PRKG1: variants seen among roughly 807,000 people sequenced by gnomAD.
The protein encoded by PRKG1 is cGMP-dependent protein kinase 1.
PRKG1 carries 35 observed loss-of-function variants against 88.1 expected under a neutral mutation model. That is an observed-to-expected ratio of 0.40 (90% CI 0.30 to 0.53). The LOEUF is 0.53. Ranked by LOEUF, PRKG1 falls within the 20% of genes least tolerant of loss-of-function variation. The pLI is 0.59. For missense variants in PRKG1, 540 were observed against 839.8 expected (o/e 0.64, Z 4.41); for synonymous variants, 303 against 292.5 (o/e 1.04, Z -0.37).
At chr10:51,483,501 AG>A (rs1351460309) in intron 3 of PRKG1, among the ~76,000 whole-genome samples, 2 of 152,184 alleles carry the variant, frequency 1.3e-5, no homozygotes, top group Non-Finnish European at 2.9e-5. Context: ...CAATCTGAAT[AG>A]TGGAAATTTC....
rs192521876 is a variant in PRKG1 at position 51,050,849 on chromosome 10, C to G, written c.266+59205C>G. On this transcript the variant is annotated intron_variant, in intron 1 of 17. Coordinates refer to the PRKG1 transcript ENST00000401604. ...TTTTTTAATATAATAGTCATTCTAA[C>G]AGATGTGAAGTGACATCTCATTGTG... Among the ~76,000 whole-genome samples the G allele has an allele frequency of 2.5e-3, 388 of 152,234 alleles. 1 individual carries two copies. Among genetic ancestry groups the G allele is most frequent in the African/African-American group, 8.7e-3 (363 of 41,568 alleles).
chr10:52,135,862 C>T (rs1407027419), intron 8 of PRKG1, among the ~76,000 whole-genome samples: 4 of 151,870 alleles, frequency 2.6e-5, no homozygotes, highest in African/African-American at 9.7e-5. Context: ...TGAGACAGGA[C>T]AGAATTGCAT....
At chr10:51,185,069 G>C (rs1475023598) in intron 2 of PRKG1, among the ~76,000 whole-genome samples, 1 of 152,144 alleles carries the variant, frequency 6.6e-6, no homozygotes, top group Admixed American at 6.6e-5. Context: ...ATCAAGTGGA[G>C]ATTTGACCAA....
intron 5 of PRKG1, among the ~76,000 whole-genome samples, chr10:52,040,251 C>G (rs2133228732): frequency 6.6e-6 from 1 of 152,266 alleles, no homozygotes. Flanking sequence ...TGCTCTTTTT[C>G]TTTTTGAGTA....
intron 4 of PRKG1, among the ~76,000 whole-genome samples, chr10:51,845,399 T>C (rs994072210): frequency 2.0e-5 from 3 of 152,190 alleles, no homozygotes; most frequent in Non-Finnish European, 2.9e-5. Context: ...TGCTTCAAAG[T>C]GTTGACATTC....
chr10:51,891,954 G>A (rs926274436), intron 4 of PRKG1, among the ~76,000 whole-genome samples: 2 of 152,120 alleles, frequency 1.3e-5, no homozygotes, highest in African/African-American at 2.4e-5. Context: ...GGAAATTAGA[G>A]AAATTATCAA....
intron 3 of PRKG1, among the ~76,000 whole-genome samples, chr10:51,621,145 G>A (rs1038445112): frequency 2.0e-5 from 3 of 151,144 alleles, no homozygotes; most frequent in Non-Finnish European, 3.0e-5. Context: ...CGTGATCCAC[G>A]GCATTAGTTT....
intron 9 of PRKG1, among the ~76,000 whole-genome samples, chr10:52,229,081 A>G (rs1389055498): frequency 6.6e-6 from 1 of 152,076 alleles, no homozygotes; most frequent in Non-Finnish European, 1.5e-5. Context: ...TCTTTTATGT[A>G]CTATTTTTTT....
At chr10:51,832,173 T>C (rs1840021859) in intron 4 of PRKG1, among the ~76,000 whole-genome samples, 2 of 152,172 alleles carry the variant, frequency 1.3e-5, no homozygotes, top group Non-Finnish European at 2.9e-5. Flanking sequence ...CAATGCTCTA[T>C]AGAGGCTAAG....
intron 5 of PRKG1, among the ~76,000 whole-genome samples, chr10:51,970,493 C>T (rs140848474): frequency 7.3e-5 from 11 of 150,932 alleles, no homozygotes; most frequent in East Asian, 1.9e-4. Context: ...TAAGAAATTT[C>T]GAACAGATAA....
intron 3 of PRKG1, among the ~76,000 whole-genome samples, chr10:51,549,057 G>A (rs1483152659): frequency 6.9e-6 from 1 of 145,824 alleles, no homozygotes; most frequent in African/African-American, 2.5e-5. Context: ...GGTTCTTTTT[G>A]TCCTTCAGAC....
At chr10:52,005,882 C>T (rs1385727057) in intron 5 of PRKG1, among the ~76,000 whole-genome samples, 1 of 152,012 alleles carries the variant, frequency 6.6e-6, no homozygotes, top group Non-Finnish European at 1.5e-5. Context: ...AGATGCAGAT[C>T]AGGGCCAACC....
intron 7 of PRKG1, among the ~76,000 whole-genome samples, chr10:52,100,884 G>A (rs1377547074): frequency 2.0e-5 from 3 of 152,196 alleles, no homozygotes; most frequent in Non-Finnish European, 4.4e-5. Context: ...ATAGCTTAAA[G>A]GAAATAATAT....
intron 3 of PRKG1, among the ~76,000 whole-genome samples, chr10:51,659,404 G>T (rs1840239997): frequency 6.6e-6 from 1 of 152,192 alleles, no homozygotes; most frequent in African/African-American, 2.4e-5. Context: ...AGGCCCAGAG[G>T]AGCTGAGCCA....
At chr10:51,665,802 A>G (rs1345597224) in intron 3 of PRKG1, among the ~76,000 whole-genome samples, 1 of 152,108 alleles carries the variant, frequency 6.6e-6, no homozygotes, top group Non-Finnish European at 1.5e-5. Context: ...GGAGAATATT[A>G]AGATATAAGA....
At chr10:52,022,459 G>A (rs775200396) in intron 5 of PRKG1, among the ~76,000 whole-genome samples, 5 of 152,078 alleles carry the variant, frequency 3.3e-5, no homozygotes, top group African/African-American at 9.7e-5. Flanking sequence ...ATTACTTAAA[G>A]TTAAAATTTA....
At chr10:51,631,901 G>T (rs979299319) in intron 3 of PRKG1, among the ~76,000 whole-genome samples, 1 of 152,102 alleles carries the variant, frequency 6.6e-6, no homozygotes, top group Admixed American at 6.6e-5. Context: ...CATGGCCCAG[G>T]AATAGAGGAC....
chr10:51,906,136 T>A (rs1047036644), intron 4 of PRKG1, among the ~76,000 whole-genome samples: 1 of 152,130 alleles, frequency 6.6e-6, no homozygotes, highest in African/African-American at 2.4e-5. Context: ...GTGTCTTCAA[T>A]AATGGTTAGG....
chr10:51,437,472 G>C (rs1332119248), intron 2 of PRKG1, among the ~76,000 whole-genome samples: 1 of 151,868 alleles, frequency 6.6e-6, no homozygotes, highest in Non-Finnish European at 1.5e-5. Flanking sequence ...AGTATTTATG[G>C]TGTAGGTCCC....
Sources: gnomAD v4.1 joint callset for allele counts (sites outside exome capture counted in the v4.1 genomes callset) on GRCh38, gnomAD v4.1.1 for gene constraint, MANE v1.5 for transcripts, NCBI Gene and HGNC (gene_info 2026-07-23, HGNC 2026-07-21) for gene names.